Variants in RASAL1 observed in about 807,000 individuals in gnomAD.
The protein encoded by RASAL1 is RAS protein activator like 1, also known as rasGAP-activating-like protein 1.
Under a neutral mutation model 96.6 loss-of-function variants are expected in RASAL1, and 72 were observed. That is an observed-to-expected ratio of 0.75 (90% CI 0.62 to 0.91). The LOEUF (loss-of-function observed/expected upper bound fraction) is 0.91. Among genes scored for constraint, RASAL1 ranks in the 40% least tolerant of loss-of-function variants. The probability of loss-of-function intolerance (pLI) is 0.00; values close to 1 mark genes in which losing one functional copy is unlikely to be tolerated. For synonymous variants in RASAL1, 405 were observed against 430.4 expected (o/e 0.94, Z 0.73); for missense variants, 1,016 against 1,072.5 (o/e 0.95, Z 0.74).
Position 113,115,828 on chromosome 12 carries a change from G to A in RASAL1, c.850-40C>T, listed in dbSNP as rs1951059199. On this transcript the variant is annotated intron_variant, in intron 9 of 20. Transcript: ENST00000548055. This position sits in a 1 kb window ranked among gnomAD's most constrained non-coding sequence, Gnocchi z 4.1. The stretch of plus-strand genomic sequence containing the variant: ...GAGACAAAGATGACCTCGGCCCCTG[G>A]GACCCCAAAGCAGATGGGCCTAGAT... 1 of 1,611,736 alleles carries A rather than the reference G, an allele frequency of 6.2e-7. No homozygotes were observed.
At position 113,127,938 on chromosome 12, in the gene RASAL1, G is replaced by T. The variant is rs575196915; in HGVS notation, c.237-65C>A. 32 of 1,575,992 alleles carry T rather than the reference G, an allele frequency of 2.0e-5. No homozygotes were observed. The African/African-American group carries it at 4.0e-4, about 20-fold the overall frequency. ...CCCTTTGCCCCGCCCCAAGAGAAGT[G>T]GGGGCAGGTGTCAAGGTCTGGGTGG... On this transcript the variant is annotated intron_variant, in intron 3 of 20. Coordinates refer to ENST00000548055, the MANE Select transcript of RASAL1 (RefSeq NM_001301202.2).
upstream of RASAL1, chr12:113,135,881 A>T (rs181066159): frequency 9.9e-4 from 177 of 179,398 alleles, 1 homozygote; most frequent in Non-Finnish European, 1.4e-3. This position sits in a 1 kb window ranked among gnomAD's most constrained non-coding sequence, Gnocchi z 5.7. Context: ...CATGCGCGCC[A>T]GAGCGCACGG....
At chr12:113,105,946 C>G in intron 15 of RASAL1, 60 bp from the exon 16 acceptor site, 1 of 1,525,058 alleles carries the variant, frequency 6.6e-7, no homozygotes. Context: ...GCTCACCTTG[C>G]TCCACTAGCA....
intron 16 of RASAL1, among the ~76,000 whole-genome samples, chr12:113,104,877 C>T (rs935913916): frequency 9.9e-5 from 15 of 152,174 alleles, no homozygotes; most frequent in East Asian, 9.6e-4. Context: ...GTACTTGGGA[C>T]GCGATTCCAA....
At position 113,104,152 on chromosome 12, in the gene RASAL1, G is replaced by A. The variant is rs747290305; in HGVS notation, c.1968+9C>T. 6.3e-7 allele frequency: 1 copy of A among 1,598,584 alleles called. No homozygotes were observed. Among genetic ancestry groups the A allele is most frequent in the Non-Finnish European group, 8.6e-7 (1 of 1,168,150 alleles). On this transcript the variant is annotated intron_variant, in intron 17 of 20. Transcript: ENST00000548055. ...ACGCCCCCCGCTCCCCATCGCGGTGGGGTCTCACCTTGCACTGGAGGTAGG... is the reference window on the plus strand; with the variant it reads ...ACGCCCCCCGCTCCCCATCGCGGTGAGGTCTCACCTTGCACTGGAGGTAGG...
intron 1 of RASAL1, among the ~76,000 whole-genome samples, chr12:113,132,917 A>G (rs1322391988): frequency 6.6e-6 from 1 of 152,154 alleles, no homozygotes; most frequent in Non-Finnish European, 1.5e-5. Flanking sequence ...AATCCATTGG[A>G]GCCTCAGTTT....
chr12:113,110,002 G>A (rs896266355), intron 13 of RASAL1, among the ~76,000 whole-genome samples: 1 of 152,220 alleles, frequency 6.6e-6, no homozygotes, highest in Non-Finnish European at 1.5e-5. Flanking sequence ...GAGAACTAGA[G>A]GACACTTGGG....
rs773726783 is a variant in RASAL1, at chr12:113,100,012, C to A, written c.2335G>T (p.Val779Leu). 5 of 1,613,732 alleles carry A rather than the reference C, an allele frequency of 3.1e-6. No individual in the cohort carries two copies. Among genetic ancestry groups the A allele is most frequent in the Non-Finnish European group, 4.2e-6 (5 of 1,179,722 alleles). The stretch of plus-strand genomic sequence containing the variant: ...TGGGCACGATCCAGGTCTGCGAGCA[C>A]CTCCAGCAGGCGGGCAGTTGCTGCT... ...QRAATARLLE[V>L]LADLDRAHEE... Residue 779 changes from valine (V) to leucine (L), a missense_variant, in exon 21 of 21, where the codon GTG becomes TTG. Val to Leu is a conservative substitution (Grantham distance 32, BLOSUM62 1). Transcript: ENST00000548055.
intron 15 of RASAL1, among the ~76,000 whole-genome samples, chr12:113,106,636 T>A (rs1393475912): frequency 6.6e-6 from 1 of 151,360 alleles, no homozygotes; most frequent in Non-Finnish European, 1.5e-5. Context: ...CTTTCAGATC[T>A]CTGTTCTTTC....
chr12:113,122,308 C>A (rs539753251), intron 4 of RASAL1, among the ~76,000 whole-genome samples: 46 of 152,306 alleles, frequency 3.0e-4, no homozygotes, highest in Admixed American at 2.8e-3. Flanking sequence ...TTTCTCCCCT[C>A]TGTATTTCTC....
intron 18 of RASAL1, 110 bp downstream of exon 18, chr12:113,103,836 A>G: frequency 7.2e-7 from 1 of 1,382,910 alleles, no homozygotes; most frequent in Non-Finnish European, 9.9e-7. Flanking sequence ...TGAGGCATAG[A>G]GAGGTTGAGT....
chr12:113,114,950 G>A, intron 11 of RASAL1, 38 bp from the exon 12 acceptor site: 1 of 1,524,594 alleles, frequency 6.6e-7, no homozygotes, highest in Non-Finnish European at 9.1e-7. Flanking sequence ...GGGGCTGAGG[G>A]CGAGGCCGGG....
rs1169066991 is a variant in RASAL1, at chr12:113,121,709, C to T, written c.299-71G>A. On this transcript the variant is annotated intron_variant, in intron 4 of 20. Coordinates refer to ENST00000548055, the MANE Select transcript of RASAL1 (RefSeq NM_001301202.2). ...TGGGCATTGTGTTAACTTAAAAATT[C>T]AATTAACATTATTTTCATTTTTTTT... 2.6e-6 allele frequency: 4 copies of T among 1,509,988 alleles called. No individual in the cohort carries two copies. The African/African-American group carries it at 5.6e-5, about 21-fold the overall frequency. The allele number at this position is 1,509,988 out of a possible 1,614,324, so 93.5% of individuals were successfully genotyped here.
At position 113,127,824 on chromosome 12, in the gene RASAL1, C is replaced by T; in HGVS notation, c.286G>A (p.Ala96Thr). 6.2e-7 allele frequency: 1 copy of T among 1,612,586 alleles called. No homozygotes were observed. ...GTCCCTCGCCCACCTCGGGGGTCGG[C>T]TGTAATCGCCTCCCTGCTCAGCGAG... ...KISLSREAIT[A>T]DPRGIDSWIN... Residue 96 changes from alanine to threonine, a missense_variant, in exon 4 of 21, where the codon GCC (alanine) becomes ACC (threonine). Ala to Thr is a moderately conservative substitution (Grantham distance 58). Transcript: ENST00000548055.
At chr12:113,120,774 C>A (rs1951266284) in intron 5 of RASAL1, among the ~76,000 whole-genome samples, 1 of 152,134 alleles carries the variant, frequency 6.6e-6, no homozygotes, top group Admixed American at 6.5e-5. Context: ...CATCTTCCAT[C>A]TGATTTTTCT....
At chr12:113,114,645 A>C (rs1951006499) in intron 12 of RASAL1, among the ~76,000 whole-genome samples, 155 bp downstream of exon 12, 1 of 152,120 alleles carries the variant, frequency 6.6e-6, no homozygotes, top group South Asian at 2.1e-4. Flanking sequence ...TGATGGTTTA[A>C]GGGCTTGTGT....
In RASAL1 at chr12:113,099,894, C is replaced by T; in HGVS notation, c.*35G>A. 1.3e-6 allele frequency: 2 copies of T among 1,588,388 alleles called. No homozygotes were observed. Among genetic ancestry groups the T allele is most frequent in the Middle Eastern group, 2.3e-4 (1 of 4,364 alleles). On this transcript the variant is annotated 3_prime_UTR_variant, in exon 21 of 21. Coordinates refer to ENST00000548055, the MANE Select transcript of RASAL1 (RefSeq NM_001301202.2). ...ATGCGCTGAAGAGGGCCCCCTGGCT[C>T]TTGCTCCTCCTTCCGGGCTAGCTCT...
At chr12:113,116,073 G>A in intron 8 of RASAL1, 22 bp from the exon 9 acceptor site, 1 of 1,527,710 alleles carries the variant, frequency 6.5e-7, no homozygotes, top group Non-Finnish European at 8.8e-7. Flanking sequence ...CAGATCATAA[G>A]AAAATGAAAG....
In RASAL1 at chr12:113,104,014, A is replaced by G. The variant is rs112031974; in HGVS notation, c.2036T>C (p.Leu679Pro). 71 of 1,569,156 alleles carry G rather than the reference A, an allele frequency of 4.5e-5. 1 individual carries two copies. The African/African-American group carries it at 6.3e-4, about 14-fold the overall frequency. Reference protein sequence around the residue: ...RKASAPNPNKLAACHPGAFRS... With the variant: ...RKASAPNPNKPAACHPGAFRS... ...GAAGGCACCGGGGTGGCAGGCGGCC[A>G]GCTTGTTCGGGTTGGGGGCGCTGGC... Residue 679 changes from leucine (L) to proline (P), a missense_variant, in exon 18 of 21, where the codon CTG becomes CCG. Transcript: ENST00000548055.
Sources: gnomAD v4.1 joint callset for allele counts (sites outside exome capture counted in the v4.1 genomes callset) on GRCh38, gnomAD v4.1.1 for gene constraint, Gnocchi (gnomAD v3.1) non-coding constraint, MANE v1.5 for transcripts, NCBI Gene and HGNC (gene_info 2026-07-23, HGNC 2026-07-21) for gene names.